ADGRL2: variants seen among roughly 807,000 people sequenced by gnomAD.
ADGRL2 encodes the protein calcium-independent alpha-latrotoxin receptor 2.
A neutral mutation model predicts 157.4 loss-of-function variants in ADGRL2; 44 were observed. That is an observed-to-expected ratio of 0.28 (90% CI 0.22 to 0.36). The LOEUF is 0.36. Among genes scored for constraint, ADGRL2 ranks in the 10% least tolerant of loss-of-function variants. ADGRL2 has a pLI of 1.00. For synonymous variants in ADGRL2, 585 were observed against 624.7 expected (o/e 0.94, Z 0.95); for missense variants, 1,510 against 1,768.9 (o/e 0.85, Z 2.63).
chr1:81,971,157 T>G (rs1184881136), intron 16 of ADGRL2, among the ~76,000 whole-genome samples: 2 of 152,124 alleles, frequency 1.3e-5, no homozygotes, highest in Non-Finnish European at 2.9e-5. Flanking sequence ...TTTGATAAAA[T>G]TAGTTATATA....
chr1:81,984,753 T>C (rs773548560), intron 20 of ADGRL2, 42 bp downstream of exon 20: 16 of 1,603,224 alleles, frequency 1.0e-5, no homozygotes, highest in Non-Finnish European at 1.4e-5. Context: ...ACCTTATTTA[T>C]AGAAAACCTA....
chr1:81,475,161 A>G (rs2101888227), intron 2 of ADGRL2, among the ~76,000 whole-genome samples: 1 of 152,202 alleles, frequency 6.6e-6, no homozygotes, highest in Admixed American at 6.6e-5. Context: ...AATGCTAAAC[A>G]TCTAGTTTTG....
intron 2 of ADGRL2, among the ~76,000 whole-genome samples, chr1:81,499,620 T>C (rs1346751252): frequency 2.6e-5 from 4 of 152,260 alleles, no homozygotes; most frequent in Non-Finnish European, 4.4e-5. Flanking sequence ...GAAGCATCTG[T>C]ATTTATGAAG....
chr1:81,449,514 T>A (rs1290654258), intron 2 of ADGRL2, among the ~76,000 whole-genome samples: 1 of 152,172 alleles, frequency 6.6e-6, no homozygotes, highest in Non-Finnish European at 1.5e-5. Context: ...ATAGCAACAG[T>A]GAGAATTCCA....
intron 1 of ADGRL2, among the ~76,000 whole-genome samples, chr1:81,357,881 A>G (rs138045003): frequency 1.6e-3 from 237 of 152,336 alleles, no homozygotes; most frequent in African/African-American, 5.1e-3. Flanking sequence ...TTATTCATTT[A>G]CAAAATGAGG....
intron 3 of ADGRL2, among the ~76,000 whole-genome samples, chr1:81,692,004 A>G (rs2083349898): frequency 6.6e-6 from 1 of 151,130 alleles, no homozygotes; most frequent in Admixed American, 6.6e-5. Context: ...ATACACATAC[A>G]CTTTCATATA....
intron 1 of ADGRL2, among the ~76,000 whole-genome samples, chr1:81,373,076 A>C (rs2100998150): frequency 6.6e-6 from 1 of 152,196 alleles, no homozygotes; most frequent in East Asian, 1.9e-4. Flanking sequence ...TAATGCTGCT[A>C]ATTTGGGGGT....
chr1:81,726,606 T>A (rs987739489), intron 1 of ADGRL2, among the ~76,000 whole-genome samples: 4 of 152,138 alleles, frequency 2.6e-5, no homozygotes, highest in African/African-American at 9.7e-5. Flanking sequence ...AGAAAAGGTT[T>A]TGGGAGAAGG....
upstream of ADGRL2, among the ~76,000 whole-genome samples, chr1:81,796,968 C>T (rs182885058): frequency 3.8e-4 from 58 of 152,226 alleles, no homozygotes; most frequent in Non-Finnish European, 6.5e-4. Flanking sequence ...TTTGCTCTTA[C>T]GGAAAATGAG....
intron 1 of ADGRL2, among the ~76,000 whole-genome samples, chr1:81,393,599 G>A (rs893449319): frequency 6.6e-6 from 1 of 152,048 alleles, no homozygotes; most frequent in Non-Finnish European, 1.5e-5. Context: ...TTTAGCAGCA[G>A]GGAAGGAATG....
At chr1:81,566,151 G>T (rs554728420) in intron 2 of ADGRL2, among the ~76,000 whole-genome samples, 4 of 152,186 alleles carry the variant, frequency 2.6e-5, no homozygotes, top group Non-Finnish European at 5.9e-5. Context: ...AGAGTTATAA[G>T]AAGAAGGAAA....
chr1:81,525,502 G>C (rs1557758450), intron 2 of ADGRL2, among the ~76,000 whole-genome samples: 1 of 151,948 alleles, frequency 6.6e-6, no homozygotes, highest in Non-Finnish European at 1.5e-5. Flanking sequence ...ATTTCTAGTA[G>C]AGACGGGGTT....
intron 2 of ADGRL2, among the ~76,000 whole-genome samples, chr1:81,468,948 A>T (rs2078115194): frequency 6.6e-6 from 1 of 152,294 alleles, no homozygotes; most frequent in Non-Finnish European, 1.5e-5. Flanking sequence ...CAACCCAGTG[A>T]GGGGTTAGTG....
chr1:81,888,636 G>C (rs562668644), intron 2 of ADGRL2, among the ~76,000 whole-genome samples: 1 of 152,140 alleles, frequency 6.6e-6, no homozygotes, highest in Non-Finnish European at 1.5e-5. Flanking sequence ...TAGAGACGGG[G>C]TTTCACCTTG....
At chr1:81,568,699 A>G (rs919428121) in intron 2 of ADGRL2, among the ~76,000 whole-genome samples, 2 of 152,188 alleles carry the variant, frequency 1.3e-5, no homozygotes, top group Non-Finnish European at 2.9e-5. Context: ...ACAATCTGCA[A>G]AGAATCATAT....
chr1:81,943,532 C>T lies in ADGRL2; in HGVS notation c.973C>T (p.Leu325Phe), dbSNP rs1648773466. 1 of 1,613,612 alleles carries T rather than the reference C, an allele frequency of 6.2e-7. No individual in the cohort carries two copies. Among genetic ancestry groups the T allele is most frequent in the Non-Finnish European group, 8.5e-7 (1 of 1,179,768 alleles). ...AAATGCTTTTATGATATGCGGAGTCCTCTATGTGGTTAGGTCAGTTTATCA... is the reference window on the plus strand; with the variant it reads ...AAATGCTTTTATGATATGCGGAGTCTTCTATGTGGTTAGGTCAGTTTATCA... ...ASNAFMICGVLYVVRSVYQDN... is the reference protein window; with the variant it reads ...ASNAFMICGVFYVVRSVYQDN... Residue 325 changes from leucine to phenylalanine, a missense_variant, in exon 6 of 24, where the codon CTC becomes TTC. Leu to Phe is a conservative substitution (Grantham distance 22). This residue lies in a region of ADGRL2 where 361 missense variants were observed against 498.4 expected (regional missense o/e 0.72). Transcript: ENST00000686636. The surrounding 1 kb of genome is among the most constrained non-coding windows in gnomAD (Gnocchi z 5.6).
intron 2 of ADGRL2, among the ~76,000 whole-genome samples, chr1:81,794,696 C>A (rs1206865992): frequency 6.6e-6 from 1 of 152,106 alleles, no homozygotes; most frequent in East Asian, 1.9e-4. Flanking sequence ...AAGCATATGC[C>A]TATTACATCA....
At chr1:81,773,087 A>G (rs2086441485) in intron 2 of ADGRL2, among the ~76,000 whole-genome samples, 1 of 152,170 alleles carries the variant, frequency 6.6e-6, no homozygotes, top group Admixed American at 6.5e-5. Context: ...AAGCTGAGCT[A>G]ATTGTAGTCT....
At chr1:81,812,652 A>G (rs1311926036) in intron 1 of ADGRL2, among the ~76,000 whole-genome samples, 1 of 151,788 alleles carries the variant, frequency 6.6e-6, no homozygotes, top group African/African-American at 2.4e-5. Context: ...CAGATATGTA[A>G]CATATTATTA....
Sources: allele counts gnomAD v4.1 joint callset (sites outside exome capture counted in the v4.1 genomes callset), GRCh38; gene constraint gnomAD v4.1.1; regional missense constraint gnomAD v4.1.1; non-coding constraint Gnocchi (gnomAD v3.1); transcripts MANE v1.5; gene names NCBI Gene and HGNC (gene_info 2026-07-23, HGNC 2026-07-21).